SEMA3C: variants seen among roughly 807,000 people sequenced by gnomAD.
The protein encoded by SEMA3C is semaphorin-3C.
SEMA3C carries 47 observed loss-of-function variants against 89.4 expected under a neutral mutation model. The observed-to-expected ratio is 0.53, with a 90% CI of 0.42 to 0.67. The LOEUF is 0.67. Ranked by LOEUF, SEMA3C falls within the 30% of genes least tolerant of loss-of-function variation. The probability of loss-of-function intolerance (pLI) is 0.00; values close to 1 mark genes in which losing one functional copy is unlikely to be tolerated. For missense variants in SEMA3C, 839 were observed against 929.1 expected (o/e 0.90, Z 1.26); for synonymous variants, 310 against 320.2 (o/e 0.97, Z 0.34).
At position 80,750,744 on chromosome 7, in the gene SEMA3C, AGGT is replaced by A. The variant is rs143704792; in HGVS notation, c.1711+522_1711+524del. ...GTGGTTTCTAAGGGCTGGAGGGAAG[AGGT>A]AATGGTTAGGTGGTATTTAACGGGT... On this transcript the variant is annotated intron_variant, in intron 16 of 17. Transcript: ENST00000265361. 4.3e-4 allele frequency among the ~76,000 whole-genome samples: 66 copies of A among 151,986 alleles called. 2 individuals carry two copies. In the East Asian group the frequency reaches 0.012, roughly 29 times the overall value.
chr7:80,827,554 T>C, intron 3 of SEMA3C, 67 bp from the exon 4 acceptor site: 1 of 1,313,740 alleles, frequency 7.6e-7, no homozygotes, highest in Non-Finnish European at 1.0e-6. Context: ...GTGCTCTTCA[T>C]TTACTTTTTG....
chr7:80,846,566 AG>A (rs1562903333), intron 2 of SEMA3C, among the ~76,000 whole-genome samples: 5 of 152,108 alleles, frequency 3.3e-5, no homozygotes, highest in African/African-American at 1.2e-4. Context: ...CTTGGCCTCA[AG>A]TAATCCTTCC....
chr7:80,858,881 CA>C, intron 2 of SEMA3C, among the ~76,000 whole-genome samples: 1 of 152,198 alleles, frequency 6.6e-6, no homozygotes, highest in East Asian at 1.9e-4. Context: ...TAACTGAACC[CA>C]AGATGTGTAG....
chr7:80,758,291 G>A (rs1378862485), intron 15 of SEMA3C, 40 bp downstream of exon 15: 19 of 1,588,786 alleles, frequency 1.2e-5, no homozygotes, highest in Non-Finnish European at 1.6e-5. Flanking sequence ...ATTGTCTGGT[G>A]TCCTACATTT....
chr7:80,804,062 A>G, intron 8 of SEMA3C, 44 bp downstream of exon 8: 1 of 1,525,514 alleles, frequency 6.6e-7, no homozygotes. Flanking sequence ...CCATAATTTG[A>G]ATTTCTTGGT....
intron 2 of SEMA3C, among the ~76,000 whole-genome samples, chr7:80,901,114 G>T (rs1791869290): frequency 6.6e-6 from 1 of 152,124 alleles, no homozygotes; most frequent in African/African-American, 2.4e-5. Flanking sequence ...AATTTTGGTG[G>T]ATGAACTCCA....
intron 2 of SEMA3C, among the ~76,000 whole-genome samples, chr7:80,852,677 A>T (rs1024824649): frequency 8.0e-5 from 11 of 137,974 alleles, no homozygotes; most frequent in East Asian, 2.1e-4. Flanking sequence ...CTGAATAGAC[A>T]TTTTTTTTTT....
intron 17 of SEMA3C, 121 bp from the exon 18 acceptor site, chr7:80,745,428 T>C: frequency 1.1e-6 from 1 of 946,484 alleles, no homozygotes; most frequent in Non-Finnish European, 1.6e-6. Flanking sequence ...GAGCACTACT[T>C]AGCATCCTTC....
rs1468678384 is a variant in SEMA3C at position 80,745,124 on chromosome 7, G to A, written c.2026C>T (p.Pro676Ser). 2.5e-6 allele frequency: 4 copies of A among 1,613,968 alleles called. No individual in the cohort carries two copies. Among genetic ancestry groups the A allele is most frequent in the Non-Finnish European group, 3.4e-6 (4 of 1,179,960 alleles). The change falls in exon 18 of 18, where the codon CCA becomes TCA. Residue 676 changes from proline to serine, a missense_variant. Physicochemically the swap from Pro to Ser is moderately conservative, Grantham distance 74. Coordinates refer to ENST00000265361, the MANE Select transcript of SEMA3C (RefSeq NM_006379.5). ...MVAVVTDKWS[P>S]WTWASSVRAL... ...CTCACAGAGCTGGCCCAGGTCCATG[G>A]GGACCATTTGTCCGTCACAACAGCC...
intron 9 of SEMA3C, among the ~76,000 whole-genome samples, chr7:80,802,234 ACT>A (rs1463279289): frequency 5.3e-5 from 8 of 152,056 alleles, no homozygotes; most frequent in Non-Finnish European, 1.0e-4. Flanking sequence ...CCAAATTTCT[ACT>A]CTGACACTTT....
chr7:80,872,860 T>C (rs138616547), intron 2 of SEMA3C, among the ~76,000 whole-genome samples: 396 of 147,800 alleles, frequency 2.7e-3, no homozygotes, highest in Non-Finnish European at 4.1e-3. Flanking sequence ...GTTCAGTATA[T>C]TGCAATTTCA....
chr7:80,821,562 G>A (rs1172367612), intron 4 of SEMA3C, among the ~76,000 whole-genome samples: 1 of 152,204 alleles, frequency 6.6e-6, no homozygotes, highest in African/African-American at 2.4e-5. Flanking sequence ...TGGGACTACA[G>A]GCATGTGCCA....
intron 5 of SEMA3C, among the ~76,000 whole-genome samples, chr7:80,816,932 T>C (rs968642708): frequency 6.6e-6 from 1 of 152,216 alleles, no homozygotes; most frequent in African/African-American, 2.4e-5. Context: ...TTGAAATCTG[T>C]GCTCTGAAAA....
intron 5 of SEMA3C, among the ~76,000 whole-genome samples, chr7:80,813,016 G>A (rs928976754): frequency 1.3e-5 from 2 of 148,352 alleles, no homozygotes; most frequent in African/African-American, 5.0e-5. Flanking sequence ...CATGTTCCCC[G>A]GGCTGGTCTA....
At chr7:80,865,181 GAAAT>G (rs1031489192) in intron 2 of SEMA3C, among the ~76,000 whole-genome samples, 45 of 152,186 alleles carry the variant, frequency 3.0e-4, no homozygotes, top group African/African-American at 1.1e-3. Flanking sequence ...AAAGCTCTGA[GAAAT>G]AAATGTATGG....
At chr7:80,909,166 A>T (rs1792087392) in intron 2 of SEMA3C, among the ~76,000 whole-genome samples, 2 of 152,170 alleles carry the variant, frequency 1.3e-5, no homozygotes, top group African/African-American at 4.8e-5. Context: ...ATCTGTAGAA[A>T]GTCAAAATCT....
At chr7:80,828,515 C>A (rs1554374778) in intron 3 of SEMA3C, 70 bp downstream of exon 3, 4 of 1,255,684 alleles carry the variant, frequency 3.2e-6, no homozygotes, top group African/African-American at 3.1e-5. Context: ...TTATTTTTTA[C>A]TTATTTATTT....
chr7:80,796,197 G>A (rs1362535315), intron 11 of SEMA3C, among the ~76,000 whole-genome samples: 1 of 152,094 alleles, frequency 6.6e-6, no homozygotes, highest in Non-Finnish European at 1.5e-5. Flanking sequence ...ATGAGTCTAT[G>A]ACTAGGTCAA....
rs1406118701 is a variant in SEMA3C, at chr7:80,743,260, T to A, written c.*1634A>T. 6.6e-6 allele frequency: 1 copy of A among 151,928 alleles called. No individual in the cohort carries two copies. Among genetic ancestry groups the A allele is most frequent in the African/African-American group, 2.4e-5 (1 of 41,434 alleles). 9.4% of individuals were successfully genotyped at this position (151,928 alleles called of 1,614,324 possible). On this transcript the variant is annotated 3_prime_UTR_variant, in exon 18 of 18. Coordinates refer to ENST00000265361, the MANE Select transcript of SEMA3C (RefSeq NM_006379.5). ...TGGTGTTATGTCAGCATTTTAACTATTTTTGCTATAGCGAGGCCTCCTCAT... is the reference window on the plus strand; with the variant it reads ...TGGTGTTATGTCAGCATTTTAACTAATTTTGCTATAGCGAGGCCTCCTCAT...
Sources: gnomAD v4.1 joint callset for allele counts (sites outside exome capture counted in the v4.1 genomes callset) on GRCh38, gnomAD v4.1.1 for gene constraint, MANE v1.5 for transcripts, NCBI Gene and HGNC (gene_info 2026-07-23, HGNC 2026-07-21) for gene names.